AGMO: variants seen among roughly 807,000 people sequenced by gnomAD.
AGMO encodes the protein glyceryl-ether monooxygenase.
A neutral mutation model predicts 60.2 loss-of-function variants in AGMO; 75 were observed. The observed-to-expected ratio is 1.25, with a 90% CI of 1.03 to 1.51. The LOEUF (loss-of-function observed/expected upper bound fraction) is 1.51. AGMO is among the 40% of genes most tolerant of loss of function. AGMO has a pLI of 0.00. For synonymous variants in AGMO, 261 were observed against 177.1 expected (o/e 1.47, Z -3.76); for missense variants, 763 against 525.5 (o/e 1.45, Z -4.42).
intron 3 of AGMO, among the ~76,000 whole-genome samples, chr7:15,432,383 C>CATA: frequency 7.0e-6 from 1 of 142,434 alleles, no homozygotes; most frequent in South Asian, 2.2e-4. Flanking sequence ...TATATATACA[C>CATA]TATCTGGGTA....
chr7:15,407,553 T>C (rs1784739231), intron 5 of AGMO, among the ~76,000 whole-genome samples: 1 of 151,680 alleles, frequency 6.6e-6, no homozygotes, highest in East Asian at 1.9e-4. Flanking sequence ...ATATGCTGAT[T>C]CAGGGTAGTA....
chr7:15,132,858 G>T, the AGMO span, among the ~76,000 whole-genome samples: 13 of 152,212 alleles, frequency 8.5e-5, no homozygotes, highest in South Asian at 2.1e-4. Flanking sequence ...CAGCTTATTT[G>T]TCTGTTAAGA....
chr7:15,561,255 C>G (rs1233757307), intron 1 of AGMO, among the ~76,000 whole-genome samples: 1 of 152,156 alleles, frequency 6.6e-6, no homozygotes, highest in Admixed American at 6.5e-5. Flanking sequence ...CAAATTCAAA[C>G]TTAGGAAGTC....
At chr7:15,339,284 A>C (rs1328652468) in intron 12 of AGMO, among the ~76,000 whole-genome samples, 1 of 152,176 alleles carries the variant, frequency 6.6e-6, no homozygotes, top group African/African-American at 2.4e-5. Context: ...ATGGAAGACA[A>C]AGTTTGTGTA....
chr7:15,282,178 A>T (rs1421314233), intron 12 of AGMO, among the ~76,000 whole-genome samples: 1 of 152,134 alleles, frequency 6.6e-6, no homozygotes, highest in Non-Finnish European at 1.5e-5. Flanking sequence ...GGATTCCATA[A>T]CATCTCCAAA....
At chr7:15,445,429 T>C (rs1781674804) in intron 3 of AGMO, among the ~76,000 whole-genome samples, 1 of 152,174 alleles carries the variant, frequency 6.6e-6, no homozygotes, top group Non-Finnish European at 1.5e-5. Flanking sequence ...TTGCTGTTCC[T>C]TTGGTCCTGG....
At chr7:15,316,273 A>G (rs1372255108) in intron 12 of AGMO, among the ~76,000 whole-genome samples, 1 of 152,186 alleles carries the variant, frequency 6.6e-6, no homozygotes, top group Non-Finnish European at 1.5e-5. Context: ...CCCCATAACC[A>G]GCAGGTTCCT....
intron 12 of AGMO, among the ~76,000 whole-genome samples, chr7:15,212,937 CAGT>C (rs1339499969): frequency 6.6e-6 from 1 of 151,846 alleles, no homozygotes; most frequent in Non-Finnish European, 1.5e-5. Context: ...CAACAAACGT[CAGT>C]AGTTTCAATT....
chr7:15,531,998 C>A (rs1784381802), intron 3 of AGMO, among the ~76,000 whole-genome samples: 1 of 152,012 alleles, frequency 6.6e-6, no homozygotes, highest in South Asian at 2.1e-4. Context: ...CAGTATGCTT[C>A]TAATGTGCAG....
At chr7:15,293,602 C>A (rs574088465) in intron 12 of AGMO, among the ~76,000 whole-genome samples, 18 of 147,460 alleles carry the variant, frequency 1.2e-4, no homozygotes, top group African/African-American at 4.6e-4. Context: ...GTTAACATCT[C>A]AGCTTCTACT....
intron 12 of AGMO, among the ~76,000 whole-genome samples, chr7:15,361,906 G>A (rs1264779836): frequency 6.6e-6 from 1 of 152,126 alleles, no homozygotes; most frequent in Admixed American, 6.5e-5. Context: ...ATAGAGAAGA[G>A]TCACAGGGTT....
chr7:15,309,407 A>C (rs915102396), intron 12 of AGMO, among the ~76,000 whole-genome samples: 4 of 152,160 alleles, frequency 2.6e-5, no homozygotes, highest in Non-Finnish European at 5.9e-5. Context: ...CAAATGTATC[A>C]AAAGAGTTAT....
At chr7:15,266,702 TCTC>T (rs1441395117) in intron 12 of AGMO, among the ~76,000 whole-genome samples, 3 of 151,824 alleles carry the variant, frequency 2.0e-5, no homozygotes, top group African/African-American at 4.8e-5. Context: ...ATTAAATTAT[TCTC>T]CTCACTGATA....
chr7:15,262,492 C>T (rs1020128972), intron 12 of AGMO, among the ~76,000 whole-genome samples: 5 of 150,414 alleles, frequency 3.3e-5, no homozygotes, highest in African/African-American at 1.2e-4. Context: ...CACAAACAAA[C>T]CCCATGCTCA....
At chr7:15,253,325 A>C (rs1159644903) in intron 12 of AGMO, among the ~76,000 whole-genome samples, 1 of 152,168 alleles carries the variant, frequency 6.6e-6, no homozygotes, top group Non-Finnish European at 1.5e-5. Context: ...AATTTACCAA[A>C]GTTCTTTCTT....
At position 15,390,663 on chromosome 7, in the gene AGMO, T is replaced by C. The variant is rs1784099952; in HGVS notation, c.822+8A>G. The C allele has an allele frequency of 1.3e-6, 2 of 1,566,040 alleles. No homozygotes were observed. Among genetic ancestry groups the C allele is most frequent in the African/African-American group, 2.7e-5 (2 of 73,694 alleles). Reference sequence around the variant, plus strand: ...AAATGAAGAAAGAATAAAAAACAAGTATGTTACCTGCACTTTGATTGGTTC... The same window carrying C: ...AAATGAAGAAAGAATAAAAAACAAGCATGTTACCTGCACTTTGATTGGTTC... On this transcript the variant is annotated splice_region_variant and intron_variant, in intron 8 of 12. Transcript: ENST00000342526.
rs535362509 is a variant in AGMO, at chr7:15,360,432, C to T, written c.1263+5082G>A. Among the ~76,000 whole-genome samples, 15 of 152,142 alleles carry T rather than the reference C, an allele frequency of 9.9e-5. No homozygotes were observed. In the East Asian group the frequency reaches 1.5e-3, roughly 16 times the overall value. ...AAACCTTAGTGGTAACATGAACAGA[C>T]GATTAACACATATTCTGTATGCTGA... On this transcript the variant is annotated intron_variant, in intron 12 of 12. Coordinates refer to ENST00000342526, the MANE Select transcript of AGMO (RefSeq NM_001004320.2).
chr7:15,334,356 C>A (rs570771732), intron 12 of AGMO, among the ~76,000 whole-genome samples: 9 of 150,332 alleles, frequency 6.0e-5, no homozygotes, highest in African/African-American at 2.2e-4. Context: ...TTTACAATTA[C>A]AATTATCTGC....
At chr7:15,324,166 G>C (rs1341315612) in intron 12 of AGMO, among the ~76,000 whole-genome samples, 2 of 152,120 alleles carry the variant, frequency 1.3e-5, no homozygotes, top group African/African-American at 4.8e-5. Context: ...CCAACACTCA[G>C]CTAATACAAA....
Sources: gnomAD v4.1 joint callset for allele counts (sites outside exome capture counted in the v4.1 genomes callset) on GRCh38, gnomAD v4.1.1 for gene constraint, MANE v1.5 for transcripts, NCBI Gene and HGNC (gene_info 2026-07-23, HGNC 2026-07-21) for gene names.